The following USP47 variants were observed in gnomAD, a reference collection of about 807,000 sequenced individuals.
The protein encoded by USP47 is ubiquitin carboxyl-terminal hydrolase 47.
USP47 carries 35 observed loss-of-function variants against 165.1 expected under a neutral mutation model. The observed-to-expected ratio is 0.21, with a 90% CI of 0.16 to 0.28. The LOEUF (loss-of-function observed/expected upper bound fraction) is 0.28. Among genes scored for constraint, USP47 ranks in the 10% least tolerant of loss-of-function variants. USP47 has a pLI of 1.00. For synonymous variants in USP47, 531 were observed against 544.5 expected (o/e 0.98, Z 0.35); for missense variants, 1,277 against 1,607.4 (o/e 0.79, Z 3.52).
intron 3 of USP47, among the ~76,000 whole-genome samples, chr11:11,889,397 A>G (rs1166727407): frequency 6.6e-6 from 1 of 152,156 alleles, no homozygotes. Context: ...AGAAATTGCT[A>G]GTATTCCTGT....
rs141595347 is a variant in USP47 at position 11,921,780 on chromosome 11, G to T, written c.1219-944G>T. 1.7e-3 allele frequency among the ~76,000 whole-genome samples: 263 copies of T among 151,930 alleles called. 2 individuals are homozygous for T. The highest frequency in any genetic ancestry group is 4.0e-4 in the Non-Finnish European group (27 of 67,754). On this transcript the variant is annotated intron_variant, in intron 10 of 27. Coordinates refer to ENST00000527733, the MANE Select transcript of USP47 (RefSeq NM_001282659.2). ...AGTAGAAACTTCCTAGAGAATTCTA[G>T]GTTTAGTTCTTGGGACAAGAAATGT...
chr11:11,892,135 A>T lies in USP47; in HGVS notation c.496+29A>T, dbSNP rs193064245. 6.2e-6 allele frequency: 10 copies of T among 1,603,024 alleles called. No homozygotes were observed. The Admixed American group carries it at 1.2e-4, about 19-fold the overall frequency. Reference sequence around the variant, plus strand: ...AGATTTGTTGTATTTTCATAAAATCATAGGGCATTAGATCCAAAGTAATCT... The same window carrying T: ...AGATTTGTTGTATTTTCATAAAATCTTAGGGCATTAGATCCAAAGTAATCT... On this transcript the variant is annotated intron_variant, in intron 4 of 27. Transcript: ENST00000527733.
intron 8 of USP47, among the ~76,000 whole-genome samples, chr11:11,918,027 C>T (rs528744791): frequency 1.1e-4 from 16 of 152,056 alleles, no homozygotes; most frequent in African/African-American, 2.9e-4. Context: ...GCTTATTAGC[C>T]GCGAGAGTAA....
chr11:11,877,113 T>C (rs1236357642), intron 1 of USP47, among the ~76,000 whole-genome samples: 1 of 151,776 alleles, frequency 6.6e-6, no homozygotes, highest in African/African-American at 2.4e-5. Context: ...GTTTAATTTA[T>C]ATTGTATAGG....
Position 11,943,021 on chromosome 11 carries a change from T to A in USP47, c.3000T>A (p.Asp1000Glu). ...ACTCTGGAACTGATAGTGAATATGATGAGAGTGGCAAGAGTAGGGGAGAAA... is the reference window on the plus strand; with the variant it reads ...ACTCTGGAACTGATAGTGAATATGAAGAGAGTGGCAAGAGTAGGGGAGAAA... ...EEDSGTDSEY[D>E]ESGKSRGEMQ... Residue 1000 changes from aspartate (D) to glutamate (E), a missense_variant, in exon 20 of 28, where the codon GAT (aspartate) becomes GAA (glutamate). By Grantham distance (45) the Asp-to-Glu change is conservative. Coordinates refer to ENST00000527733, the MANE Select transcript of USP47 (RefSeq NM_001282659.2). 1 of 1,613,496 alleles carries A rather than the reference T, an allele frequency of 6.2e-7. No individual in the cohort carries two copies. Among genetic ancestry groups the A allele is most frequent in the Non-Finnish European group, 8.5e-7 (1 of 1,179,606 alleles).
In USP47 at chr11:11,930,132, C is replaced by T. The variant is rs1412935691; in HGVS notation, c.1595+12C>T. The T allele has an allele frequency of 2.5e-6, 4 of 1,604,884 alleles. No individual in the cohort carries two copies. The highest frequency in any genetic ancestry group is 3.4e-6 in the Non-Finnish European group (4 of 1,172,372). Reference sequence around the variant, plus strand: ...AGTGCTTTCGCAAGGTAAGCAATTTCCTAATTTTCAGTGTTTAAAAGTTAG... The same window carrying T: ...AGTGCTTTCGCAAGGTAAGCAATTTTCTAATTTTCAGTGTTTAAAAGTTAG... On this transcript the variant is annotated intron_variant, in intron 13 of 27. Transcript: ENST00000527733.
intron 5 of USP47, among the ~76,000 whole-genome samples, chr11:11,900,362 G>T (rs1396711242): frequency 2.0e-5 from 3 of 151,840 alleles, no homozygotes; most frequent in East Asian, 3.9e-4. Context: ...GGGTTTCACC[G>T]TGTTAGCCAG....
At position 11,842,080 on chromosome 11, in the gene USP47, G is replaced by A; in HGVS notation, c.-106G>A. ...AGGCCTCCGCTATTGCTGGAGCGCA[G>A]GCGGCGGAGAGGATGACTGCCGCTG... On this transcript the variant is annotated 5_prime_UTR_variant, in exon 1 of 28. Transcript: ENST00000527733. The A allele has an allele frequency of 7.2e-7, 1 of 1,394,220 alleles. No individual in the cohort carries two copies. Among genetic ancestry groups the A allele is most frequent in the Non-Finnish European group, 9.8e-7 (1 of 1,022,618 alleles). The allele number at this position is 1,394,220 out of a possible 1,614,324, so 86.4% of individuals were successfully genotyped here. A position where few individuals can be genotyped will look rare whatever the true frequency, so the allele number is the denominator to read the frequency against.
In USP47 at chr11:11,942,404, C is replaced by T. The variant is rs768153262; in HGVS notation, c.2383C>T (p.Leu795=). 6 of 1,613,376 alleles carry T rather than the reference C, an allele frequency of 3.7e-6. No homozygotes were observed. In the Admixed American group the frequency reaches 1.0e-4, roughly 27 times the overall value. The change falls in exon 20 of 28, where the codon CTG becomes TTG. Residue 795 remains leucine (L), a synonymous_variant. Transcript: ENST00000527733. ...AFADSHLWKL[L]DRHANTIRLF... ...TGCAGACTCTCATTTATGGAAACTCCTGGATCGGCATGCAAATACAATCAG... is the reference window on the plus strand; with the variant it reads ...TGCAGACTCTCATTTATGGAAACTCTTGGATCGGCATGCAAATACAATCAG...
chr11:11,909,034 C>T (rs72857608), intron 8 of USP47, among the ~76,000 whole-genome samples: 39 of 152,178 alleles, frequency 2.6e-4, no homozygotes, highest in Admixed American at 4.6e-4. Flanking sequence ...CTAGCATTTT[C>T]TTTCTCTGTG....
At chr11:11,901,503 T>C (rs1182838202) in intron 5 of USP47, among the ~76,000 whole-genome samples, 1 of 152,180 alleles carries the variant, frequency 6.6e-6, no homozygotes, top group African/African-American at 2.4e-5. Flanking sequence ...AGTTCTTCAG[T>C]TGGGAATTCA....
At chr11:11,887,803 T>C (rs1176944387) in intron 3 of USP47, among the ~76,000 whole-genome samples, 1 of 152,076 alleles carries the variant, frequency 6.6e-6, no homozygotes, top group African/African-American at 2.4e-5. Context: ...GCACTTACTC[T>C]AAAACTGATC....
chr11:11,860,091 G>GA (rs71037045), intron 1 of USP47, among the ~76,000 whole-genome samples: 48,432 of 137,348 alleles, frequency 0.35, 8,546 homozygotes, highest in East Asian at 0.53. Flanking sequence ...GCAACAGAAG[G>GA]AAAAAAAAAA....
intron 1 of USP47, among the ~76,000 whole-genome samples, chr11:11,876,426 G>A (rs1850423708): frequency 6.6e-6 from 1 of 152,198 alleles, no homozygotes; most frequent in Non-Finnish European, 1.5e-5. Flanking sequence ...GCTCGAAGGT[G>A]TTTAGCTATA....
chr11:11,857,538 T>C (rs1278180793), intron 1 of USP47, among the ~76,000 whole-genome samples: 2 of 152,234 alleles, frequency 1.3e-5, no homozygotes, highest in African/African-American at 4.8e-5. Flanking sequence ...AAAATGTTTC[T>C]ACAGTTGAGT....
At chr11:11,922,208 A>G (rs1444787372) in intron 10 of USP47, among the ~76,000 whole-genome samples, 1 of 151,984 alleles carries the variant, frequency 6.6e-6, no homozygotes, top group African/African-American at 2.4e-5. Flanking sequence ...TGTAACCATT[A>G]TATTTCTACT....
chr11:11,881,135 C>G (rs573651106), intron 2 of USP47, among the ~76,000 whole-genome samples: 2 of 152,054 alleles, frequency 1.3e-5, no homozygotes, highest in Non-Finnish European at 2.9e-5. Context: ...TTGAGAATCT[C>G]TGTTCACTTC....
intron 3 of USP47, among the ~76,000 whole-genome samples, chr11:11,889,244 AAAG>A (rs1456797728): frequency 2.6e-5 from 4 of 152,178 alleles, no homozygotes; most frequent in Admixed American, 6.5e-5. Context: ...TCACATAGGA[AAAG>A]AAGAAGTCAG....
At chr11:11,858,931 C>T (rs1228860806) in intron 1 of USP47, among the ~76,000 whole-genome samples, 1 of 152,200 alleles carries the variant, frequency 6.6e-6, no homozygotes, top group Admixed American at 6.5e-5. Flanking sequence ...CACTGCCAAA[C>T]TCTTTTCTGA....
Sources: allele counts gnomAD v4.1 joint callset (sites outside exome capture counted in the v4.1 genomes callset), GRCh38; gene constraint gnomAD v4.1.1; transcripts MANE v1.5; gene names NCBI Gene and HGNC (gene_info 2026-07-23, HGNC 2026-07-21).